Variants in ACTR3C observed in about 807,000 individuals in gnomAD.
ACTR3C encodes the protein actin related protein 3C, also known as actin-related protein 3C.
ACTR3C carries 18 observed loss-of-function variants against 26.3 expected under a neutral mutation model. That is an observed-to-expected ratio of 0.68 (90% CI 0.47 to 1.01). ACTR3C has a LOEUF of 1.01. Ranked by LOEUF, ACTR3C falls within the 50% of genes least tolerant of loss-of-function variation. The pLI is 0.00. For missense variants in ACTR3C, 184 were observed against 250.7 expected (o/e 0.73, Z 1.80); for synonymous variants, 55 against 94.5 (o/e 0.58, Z 2.42).
At chr7:150,291,841 CT>C (rs1836292280) in intron 3 of ACTR3C, among the ~76,000 whole-genome samples, 1 of 151,804 alleles carries the variant, frequency 6.6e-6, no homozygotes, top group East Asian at 1.9e-4. Context: ...GAAAGGAGTG[CT>C]GAGACTGGCT....
At chr7:150,314,298 T>A (rs1378444837) in intron 1 of ACTR3C, among the ~76,000 whole-genome samples, 1 of 152,246 alleles carries the variant, frequency 6.6e-6, no homozygotes, top group Non-Finnish European at 1.5e-5. Context: ...CCTTTAGCCC[T>A]GCCAAGGATT....
the ACTR3C span, among the ~76,000 whole-genome samples, chr7:150,189,366 G>A: frequency 0.02 from 3,041 of 151,526 alleles, 56 homozygotes; most frequent in African/African-American, 0.071. Context: ...GTTACAATTC[G>A]TATTCCATTT....
intron 1 of ACTR3C, among the ~76,000 whole-genome samples, chr7:150,319,271 G>A (rs1029199308): frequency 6.6e-6 from 1 of 150,920 alleles, no homozygotes; most frequent in Non-Finnish European, 1.5e-5. Flanking sequence ...CCAATGGCGT[G>A]AGCTTGGCTC....
At chr7:150,204,587 A>T in the ACTR3C span, among the ~76,000 whole-genome samples, 2 of 152,216 alleles carry the variant, frequency 1.3e-5, no homozygotes, top group African/African-American at 4.8e-5. Context: ...CCATCACCAG[A>T]TGAGATCCAT....
chr7:150,180,660 G>A, the ACTR3C span, among the ~76,000 whole-genome samples: 66 of 147,734 alleles, frequency 4.5e-4, no homozygotes, highest in Admixed American at 1.5e-3. Context: ...CTACAGGCGC[G>A]CGCCACCACG....
At chr7:150,022,816 T>A in the ACTR3C span, among the ~76,000 whole-genome samples, 1 of 152,132 alleles carries the variant, frequency 6.6e-6, no homozygotes, top group Admixed American at 6.5e-5. Flanking sequence ...TTGATCTACT[T>A]ATTCTGTCTC....
intron 6 of ACTR3C, among the ~76,000 whole-genome samples, chr7:150,265,352 C>G (rs1372033411): frequency 6.7e-6 from 1 of 149,056 alleles, no homozygotes; most frequent in Non-Finnish European, 1.5e-5. Context: ...ATTAAGCCAA[C>G]AAATTAATGT....
the ACTR3C span, among the ~76,000 whole-genome samples, chr7:150,057,566 A>G: frequency 4.0e-5 from 6 of 151,892 alleles, no homozygotes; most frequent in Admixed American, 1.3e-4. Context: ...GATTACAGAC[A>G]TGAGCCACCG....
At chr7:149,972,597 C>T in the ACTR3C span, among the ~76,000 whole-genome samples, 1 of 152,160 alleles carries the variant, frequency 6.6e-6, no homozygotes, top group Non-Finnish European at 1.5e-5. Flanking sequence ...CGCTCTCCAC[C>T]CATTTGGCTT....
the ACTR3C span, among the ~76,000 whole-genome samples, chr7:149,915,231 T>C: frequency 6.6e-6 from 1 of 151,454 alleles, no homozygotes; most frequent in Non-Finnish European, 1.5e-5. Context: ...GGAAATTAAG[T>C]GAAAAACTAA....
chr7:150,032,265 C>G, the ACTR3C span, among the ~76,000 whole-genome samples: 1 of 152,134 alleles, frequency 6.6e-6, no homozygotes, highest in Non-Finnish European at 1.5e-5. Flanking sequence ...GAGGTGACAG[C>G]ATTAGAATGG....
the ACTR3C span, among the ~76,000 whole-genome samples, chr7:149,932,773 GAAGAC>G: frequency 2.0e-5 from 3 of 151,302 alleles, no homozygotes; most frequent in Non-Finnish European, 4.4e-5. Context: ...GCAGGGCAGG[GAAGAC>G]TCTTAGACCA....
At chr7:149,944,879 G>C in the ACTR3C span, among the ~76,000 whole-genome samples, 8 of 151,740 alleles carry the variant, frequency 5.3e-5, no homozygotes, top group Admixed American at 3.3e-4. Flanking sequence ...CCAGGCTAAG[G>C]TCAAAGAACA....
the ACTR3C span, among the ~76,000 whole-genome samples, chr7:150,133,687 G>A: frequency 2.6e-5 from 4 of 152,088 alleles, no homozygotes; most frequent in Non-Finnish European, 5.9e-5. Flanking sequence ...TTGACTACTG[G>A]ATCTCTTTAG....
At chr7:150,033,079 T>A in the ACTR3C span, among the ~76,000 whole-genome samples, 1 of 152,156 alleles carries the variant, frequency 6.6e-6, no homozygotes, top group Non-Finnish European at 1.5e-5. Context: ...CAGGAGGTTC[T>A]GCTGTGTGGT....
At chr7:150,296,272 T>A (rs1836731292) in intron 1 of ACTR3C, among the ~76,000 whole-genome samples, 2 of 149,752 alleles carry the variant, frequency 1.3e-5, no homozygotes, top group Admixed American at 6.6e-5. Context: ...CACTTGAGCC[T>A]CGGAGGTGAA....
the ACTR3C span, among the ~76,000 whole-genome samples, chr7:149,884,602 A>G: frequency 7.2e-4 from 109 of 152,312 alleles, 1 homozygote; most frequent in Middle Eastern, 0.01. Flanking sequence ...CTTAAAAAAA[A>G]AAAAGGAATC....
the ACTR3C span, among the ~76,000 whole-genome samples, chr7:150,156,556 G>A: frequency 2.0e-5 from 3 of 150,218 alleles, no homozygotes; most frequent in Non-Finnish European, 3.0e-5. Flanking sequence ...GAGAGAGAGA[G>A]GAGAGAGAGA....
the ACTR3C span, among the ~76,000 whole-genome samples, chr7:149,944,976 G>A: frequency 6.6e-6 from 1 of 151,768 alleles, no homozygotes; most frequent in Admixed American, 6.6e-5. Context: ...AAATGTGTGG[G>A]GTTGATCTCG....
Sources: gnomAD v4.1 joint callset for allele counts (sites outside exome capture counted in the v4.1 genomes callset) on GRCh38, gnomAD v4.1.1 for gene constraint, MANE v1.5 for transcripts, NCBI Gene and HGNC (gene_info 2026-07-23, HGNC 2026-07-21) for gene names.